Variants in VWC2L observed in about 807,000 individuals in gnomAD.
VWC2L encodes von Willebrand factor C domain-containing protein 2-like.
A neutral mutation model predicts 21.6 loss-of-function variants in VWC2L; 10 were observed. The ratio of observed to expected loss-of-function variants is 0.46; its 90% CI spans 0.29 to 0.78. VWC2L has a LOEUF of 0.78. VWC2L is among the 30% of genes least tolerant of loss of function. The pLI is 0.10. For missense variants in VWC2L, 209 were observed against 277.1 expected (o/e 0.75, Z 1.74); for synonymous variants, 96 against 94.3 (o/e 1.02, Z -0.10).
chr2:214,522,278 C>G lies in VWC2L; in HGVS notation c.521-53394C>G, dbSNP rs1219374031. Among the ~76,000 whole-genome samples, 6 of 149,516 alleles carry G rather than the reference C, an allele frequency of 4.0e-5. No individual in the cohort carries two copies. The South Asian group carries it at 1.1e-3, about 26-fold the overall frequency. On this transcript the variant is annotated intron_variant, in intron 3 of 3. Transcript: ENST00000312504. Reference sequence around the variant, plus strand: ...TAGTCCCAGCTACTCCGGAGGGTGACGCAGGAGAATGGCGTGAACCCGGGA... The same window carrying G: ...TAGTCCCAGCTACTCCGGAGGGTGAGGCAGGAGAATGGCGTGAACCCGGGA...
At chr2:214,473,177 G>T (rs1050597192) in intron 3 of VWC2L, among the ~76,000 whole-genome samples, 1 of 152,122 alleles carries the variant, frequency 6.6e-6, no homozygotes, top group African/African-American at 2.4e-5. Context: ...TAAAAGCTGA[G>T]TACATTTCAA....
intron 2 of VWC2L, among the ~76,000 whole-genome samples, chr2:214,432,409 G>A (rs1187354815): frequency 1.3e-5 from 2 of 152,264 alleles, no homozygotes; most frequent in Non-Finnish European, 1.5e-5. Context: ...AGATGAAGGG[G>A]CTGGAAGGCC....
intron 3 of VWC2L, among the ~76,000 whole-genome samples, chr2:214,465,935 C>T (rs1703209992): frequency 6.6e-6 from 1 of 152,130 alleles, no homozygotes; most frequent in African/African-American, 2.4e-5. Context: ...CAAAGTTGCA[C>T]AATCGCTGCA....
chr2:214,443,944 G>C (rs1192190182), intron 3 of VWC2L, among the ~76,000 whole-genome samples: 2 of 152,036 alleles, frequency 1.3e-5, no homozygotes. Context: ...CAAGAAAATT[G>C]ACAAAAACTA....
chr2:214,480,793 G>C (rs1202437592), intron 3 of VWC2L, among the ~76,000 whole-genome samples: 3 of 133,296 alleles, frequency 2.3e-5, no homozygotes, highest in Non-Finnish European at 4.6e-5. Flanking sequence ...ACAGAAATCA[G>C]TCCCATGACC....
intron 3 of VWC2L, among the ~76,000 whole-genome samples, chr2:214,523,042 T>C (rs116051203): frequency 6.6e-6 from 1 of 152,352 alleles, no homozygotes; most frequent in Non-Finnish European, 1.5e-5. Context: ...TAGACTTTAT[T>C]GGTTGAGTTT....
chr2:214,417,585 G>A (rs1461915465), intron 2 of VWC2L, among the ~76,000 whole-genome samples: 1 of 152,098 alleles, frequency 6.6e-6, no homozygotes, highest in Non-Finnish European at 1.5e-5. Context: ...TCAGAGATTG[G>A]GATGAATACA....
At chr2:214,437,618 T>C (rs111535820) in intron 3 of VWC2L, among the ~76,000 whole-genome samples, 4 of 152,182 alleles carry the variant, frequency 2.6e-5, no homozygotes, top group African/African-American at 9.6e-5. Context: ...TAAGATAAGC[T>C]CACTCTTATG....
intron 3 of VWC2L, chr2:214,525,232 C>T (rs567622227): frequency 3.5e-4 from 53 of 152,136 alleles, no homozygotes; most frequent in African/African-American, 1.1e-3. Context: ...TTTTGAGAAT[C>T]AGAGGAAAGC....
intron 3 of VWC2L, among the ~76,000 whole-genome samples, chr2:214,505,328 A>G (rs9288497): frequency 0.24 from 36,070 of 152,066 alleles, 4,341 homozygotes; most frequent in Admixed American, 0.27. Context: ...ACAGTGGTAC[A>G]TAAACCTCCA....
intron 3 of VWC2L, among the ~76,000 whole-genome samples, chr2:214,554,751 C>T (rs1243707710): frequency 6.6e-6 from 1 of 152,142 alleles, no homozygotes; most frequent in African/African-American, 2.4e-5. Context: ...TTAAGACTGA[C>T]AAAACAGACT....
intron 2 of VWC2L, among the ~76,000 whole-genome samples, chr2:214,416,270 G>T (rs1702353609): frequency 6.6e-6 from 1 of 151,946 alleles, no homozygotes. Context: ...TTACTACAAA[G>T]ATAATAACTA....
At chr2:214,468,116 A>G (rs1226160313) in intron 3 of VWC2L, among the ~76,000 whole-genome samples, 1 of 152,054 alleles carries the variant, frequency 6.6e-6, no homozygotes, top group East Asian at 1.9e-4. Context: ...TCCCAGGTTC[A>G]AGTGATTCTC....
intron 3 of VWC2L, among the ~76,000 whole-genome samples, chr2:214,527,050 T>C (rs1305154979): frequency 3.3e-5 from 5 of 152,200 alleles, no homozygotes; most frequent in East Asian, 1.9e-4. Context: ...GTATACACCA[T>C]AGAATACTAC....
intron 3 of VWC2L, among the ~76,000 whole-genome samples, chr2:214,490,159 A>G (rs1688726058): frequency 6.6e-6 from 1 of 152,188 alleles, no homozygotes; most frequent in Non-Finnish European, 1.5e-5. Context: ...AAAGGCAGAG[A>G]TGCAGCCAAG....
At chr2:214,501,929 C>G (rs1382661208) in intron 3 of VWC2L, among the ~76,000 whole-genome samples, 1 of 152,118 alleles carries the variant, frequency 6.6e-6, no homozygotes, top group Non-Finnish European at 1.5e-5. Context: ...TGCAGCTAAG[C>G]CCACCTCCCC....
intron 3 of VWC2L, among the ~76,000 whole-genome samples, chr2:214,544,540 T>C (rs1023697157): frequency 6.6e-6 from 1 of 152,080 alleles, no homozygotes; most frequent in Non-Finnish European, 1.5e-5. Flanking sequence ...GGTACGCTTG[T>C]TACTCCCTGA....
At chr2:214,455,796 T>C (rs1703047703) in intron 3 of VWC2L, among the ~76,000 whole-genome samples, 1 of 152,222 alleles carries the variant, frequency 6.6e-6, no homozygotes, top group Non-Finnish European at 1.5e-5. Flanking sequence ...TGTAAACATG[T>C]GAGTATTTCT....
chr2:214,471,534 G>A (rs1703310498), intron 3 of VWC2L, among the ~76,000 whole-genome samples: 1 of 152,194 alleles, frequency 6.6e-6, no homozygotes, highest in Non-Finnish European at 1.5e-5. Context: ...TTTTGCAGAT[G>A]AGAAATGGAG....
Sources: allele counts gnomAD v4.1 joint callset (sites outside exome capture counted in the v4.1 genomes callset), GRCh38; gene constraint gnomAD v4.1.1; transcripts MANE v1.5; gene names NCBI Gene and HGNC (gene_info 2026-07-23, HGNC 2026-07-21).